ARIH1: variants seen among roughly 807,000 people sequenced by gnomAD.
ARIH1 encodes ariadne RBR E3 ubiquitin protein ligase 1.
A neutral mutation model predicts 85.0 loss-of-function variants in ARIH1; 8 were observed. The ratio of observed to expected loss-of-function variants is 0.09; its 90% CI spans 0.06 to 0.17. The LOEUF (loss-of-function observed/expected upper bound fraction) is 0.17, where lower values mean the gene tolerates loss of function less well. Among genes scored for constraint, ARIH1 ranks in the 10% least tolerant of loss-of-function variants. The pLI is 1.00. For missense variants in ARIH1, 311 were observed against 718.1 expected (o/e 0.43, Z 6.48); for synonymous variants, 238 against 253.6 (o/e 0.94, Z 0.59).
At chr15:72,488,726 A>G (rs2063847125) in intron 1 of ARIH1, among the ~76,000 whole-genome samples, 1 of 152,218 alleles carries the variant, frequency 6.6e-6, no homozygotes, top group African/African-American at 2.4e-5. Context: ...GTGGTAAACC[A>G]AAGGGATCCA....
chr15:72,490,557 G>T (rs183824987), intron 1 of ARIH1, among the ~76,000 whole-genome samples: 1 of 151,996 alleles, frequency 6.6e-6, no homozygotes, highest in African/African-American at 2.4e-5. Context: ...CTCCCCTCCC[G>T]CTCCTTTCAT....
chr15:72,533,589 T>C (rs1360545971), intron 2 of ARIH1, among the ~76,000 whole-genome samples: 1 of 152,206 alleles, frequency 6.6e-6, no homozygotes, highest in Non-Finnish European at 1.5e-5. Flanking sequence ...CTCTCAGGTA[T>C]ATATCCAATA....
Position 72,580,770 on chromosome 15 carries a change from A to G in ARIH1, c.1255A>G (p.Asn419Asp). 6.2e-7 allele frequency: 1 copy of G among 1,614,126 alleles called. No individual in the cohort carries two copies. The highest frequency in any genetic ancestry group is 1.7e-5 in the Admixed American group (1 of 60,014). Residue 419 changes from asparagine (N) to aspartate (D), a missense_variant, in exon 12 of 14, where the codon AAT becomes GAT. Transcript: ENST00000379887. ...AALQRYLFYC[N>D]RYMNHMQSLR... is the part of the protein sequence containing the mutation. ...CCTGCAGAGGTACCTGTTCTACTGT[A>G]ATCGCTATATGAACCACATGCAGAG...
intron 8 of ARIH1, 116 bp from the exon 9 acceptor site, chr15:72,566,990 G>A: frequency 1.4e-6 from 1 of 710,180 alleles, no homozygotes; most frequent in Non-Finnish European, 2.4e-6. Flanking sequence ...TGTGAGCCTA[G>A]TGATAATCTT....
chr15:72,552,606 A>G (rs1463370041), intron 3 of ARIH1, among the ~76,000 whole-genome samples: 1 of 151,778 alleles, frequency 6.6e-6, no homozygotes, highest in African/African-American at 2.4e-5. Flanking sequence ...GATTTTTTTA[A>G]ACAACAACAA....
At chr15:72,508,248 T>C (rs1479917053) in intron 1 of ARIH1, among the ~76,000 whole-genome samples, 1 of 152,250 alleles carries the variant, frequency 6.6e-6, no homozygotes, top group Non-Finnish European at 1.5e-5. Flanking sequence ...CTGCTGCTAG[T>C]ATTAGTACTA....
rs2064322320 is a variant in ARIH1, at chr15:72,587,459, A to C, written c.*4167A>C. On this transcript the variant is annotated 3_prime_UTR_variant, in exon 14 of 14. Coordinates refer to ENST00000379887, the MANE Select transcript of ARIH1 (RefSeq NM_005744.5). ...AGTGGTTTAGTATGATTTGCTTAAT[A>C]GTACCCAAGTAATTTGCAGTTGTTG... 3.5e-6 allele frequency: 1 copy of C among 287,436 alleles called. No homozygotes were observed. The highest frequency in any genetic ancestry group is 6.8e-6 in the Non-Finnish European group (1 of 146,936). 17.8% of individuals were successfully genotyped at this position (287,436 alleles called of 1,614,324 possible). A position where few individuals can be genotyped will look rare whatever the true frequency, so the allele number is the denominator to read the frequency against.
intron 2 of ARIH1, among the ~76,000 whole-genome samples, chr15:72,520,700 C>T (rs1020887390): frequency 6.6e-6 from 1 of 152,074 alleles, no homozygotes; most frequent in Non-Finnish European, 1.5e-5. Flanking sequence ...TTGTACATGC[C>T]TACTTACAAC....
intron 2 of ARIH1, among the ~76,000 whole-genome samples, chr15:72,520,574 A>G (rs1243164209): frequency 6.6e-6 from 1 of 152,066 alleles, no homozygotes; most frequent in African/African-American, 2.4e-5. Context: ...TGTGCTTTAT[A>G]TTTGTTATGT....
In ARIH1 at chr15:72,483,800, A is replaced by ATTT. The variant is rs10699090; in HGVS notation, c.375+8798_375+8800dup. On this transcript the variant is annotated intron_variant, in intron 1 of 13. Transcript: ENST00000379887. ...GAATTTGAGATTCTCCAGTTTACTGATTTTTTTTTTTTTTAACTCTAGCTA... is the reference window on the plus strand; with the variant it reads ...GAATTTGAGATTCTCCAGTTTACTGATTTTTTTTTTTTTTTTTAACTCTAGCTA... 7.6e-4 allele frequency among the ~76,000 whole-genome samples: 112 copies of ATTT among 146,954 alleles called. 1 individual carries two copies. The highest frequency in any genetic ancestry group is 1.9e-3 in the African/African-American group (75 of 40,172).
intron 2 of ARIH1, among the ~76,000 whole-genome samples, chr15:72,518,955 T>A (rs1419179228): frequency 6.6e-6 from 1 of 152,132 alleles, no homozygotes; most frequent in Non-Finnish European, 1.5e-5. Context: ...ATTGGGTTTT[T>A]AAAAATATTT....
chr15:72,474,598 C>T lies in ARIH1; in HGVS notation c.-42C>T. On this transcript the variant is annotated 5_prime_UTR_variant, in exon 1 of 14. Coordinates refer to ENST00000379887, the MANE Select transcript of ARIH1 (RefSeq NM_005744.5). ...GGGGCCTCGGCGTCCCCGCCCTCTCCCCGCCTCGGCCAGCGTCCGCCGGGC... is the reference window on the plus strand; with the variant it reads ...GGGGCCTCGGCGTCCCCGCCCTCTCTCCGCCTCGGCCAGCGTCCGCCGGGC... 6.7e-7 allele frequency: 1 copy of T among 1,493,034 alleles called. No homozygotes were observed. Among genetic ancestry groups the T allele is most frequent in the African/African-American group, 1.5e-5 (1 of 68,632 alleles). The allele number at this position is 1,493,034 out of a possible 1,614,324, so 92.5% of individuals were successfully genotyped here.
At chr15:72,565,958 G>A (rs564601187) in intron 7 of ARIH1, among the ~76,000 whole-genome samples, 5 of 152,152 alleles carry the variant, frequency 3.3e-5, no homozygotes, top group East Asian at 1.9e-4. Context: ...AAGCATTTGT[G>A]TTTGTTAATT....
chr15:72,519,475 G>GTGTTTTTTTTTTTTTTTTTTTT (rs2063989343), intron 2 of ARIH1, among the ~76,000 whole-genome samples: 1 of 62,544 alleles, frequency 1.6e-5, no homozygotes, highest in African/African-American at 6.5e-5. Flanking sequence ...TGTTTTTTTT[G>GTGTTTTTTTTTTTTTTTTTTTT]TTTTTTTTTT....
At chr15:72,497,028 G>A (rs1188484530) in intron 1 of ARIH1, among the ~76,000 whole-genome samples, 1 of 152,202 alleles carries the variant, frequency 6.6e-6, no homozygotes, top group Admixed American at 6.5e-5. Context: ...CTTGTAAAGG[G>A]CACAATTTTA....
chr15:72,475,100 G>A, intron 1 of ARIH1, 86 bp downstream of exon 1: 1 of 1,515,916 alleles, frequency 6.6e-7, no homozygotes, highest in Non-Finnish European at 8.9e-7. Flanking sequence ...GACAGGCCTG[G>A]GCCTGGTGCG....
intron 3 of ARIH1, among the ~76,000 whole-genome samples, chr15:72,550,970 C>T (rs1354776213): frequency 6.6e-6 from 1 of 152,146 alleles, no homozygotes; most frequent in African/African-American, 2.4e-5. Context: ...CTGTACCCAG[C>T]CCTCTCATAG....
At chr15:72,526,631 C>A (rs992348655) in intron 2 of ARIH1, among the ~76,000 whole-genome samples, 1 of 151,964 alleles carries the variant, frequency 6.6e-6, no homozygotes, top group Non-Finnish European at 1.5e-5. Flanking sequence ...CCAGAGAGGC[C>A]GAGGTGGGTG....
chr15:72,501,965 G>A (rs1447502505), intron 1 of ARIH1, among the ~76,000 whole-genome samples: 1 of 152,096 alleles, frequency 6.6e-6, no homozygotes, highest in African/African-American at 2.4e-5. Context: ...TGGAGTTTCA[G>A]GTAACGATAA....
Sources: gnomAD v4.1 joint callset for allele counts (sites outside exome capture counted in the v4.1 genomes callset) on GRCh38, gnomAD v4.1.1 for gene constraint, MANE v1.5 for transcripts, NCBI Gene and HGNC (gene_info 2026-07-23, HGNC 2026-07-21) for gene names.